The following FAT3 variants were observed in gnomAD, a reference collection of about 807,000 sequenced individuals.
The protein encoded by FAT3 is FAT atypical cadherin 3.
A neutral mutation model predicts 310.2 loss-of-function variants in FAT3; 95 were observed. That is an observed-to-expected ratio of 0.31 (90% CI 0.26 to 0.36). The LOEUF (loss-of-function observed/expected upper bound fraction) is 0.36. Ranked by LOEUF, FAT3 falls within the 10% of genes least tolerant of loss-of-function variation. The probability of loss-of-function intolerance (pLI) is 1.00; values close to 1 mark genes in which losing one functional copy is unlikely to be tolerated. For synonymous variants in FAT3, 2,314 were observed against 2,192.9 expected (o/e 1.06, Z -1.54); for missense variants, 5,408 against 5,715.6 (o/e 0.95, Z 1.74).
At chr11:92,671,269 T>C (rs1943121522) in intron 3 of FAT3, among the ~76,000 whole-genome samples, 1 of 152,082 alleles carries the variant, frequency 6.6e-6, no homozygotes, top group Admixed American at 6.6e-5. Flanking sequence ...GGTCTGGAAC[T>C]CCTGGCCTCA....
intron 1 of FAT3, among the ~76,000 whole-genome samples, chr11:92,265,373 T>C (rs914432875): frequency 1.3e-5 from 2 of 152,006 alleles, no homozygotes; most frequent in African/African-American, 4.8e-5. Context: ...GTTCCAAGCA[T>C]GGTGTTGGGA....
At chr11:92,771,610 G>A (rs1258034929) in intron 6 of FAT3, among the ~76,000 whole-genome samples, 1 of 152,118 alleles carries the variant, frequency 6.6e-6, no homozygotes, top group Non-Finnish European at 1.5e-5. Flanking sequence ...GACATAGTTT[G>A]TAGGCTCTCC....
At chr11:92,312,141 C>G (rs945245737) in intron 1 of FAT3, among the ~76,000 whole-genome samples, 1 of 152,214 alleles carries the variant, frequency 6.6e-6, no homozygotes, top group East Asian at 1.9e-4. Context: ...ATCAGTGACT[C>G]TCAACCTGGG....
At chr11:92,450,992 A>G (rs889165031) in intron 2 of FAT3, among the ~76,000 whole-genome samples, 1 of 152,194 alleles carries the variant, frequency 6.6e-6, no homozygotes, top group African/African-American at 2.4e-5. Flanking sequence ...TAATTTTCCC[A>G]GAGACTATAG....
At chr11:92,435,828 A>G (rs1014004783) in intron 2 of FAT3, among the ~76,000 whole-genome samples, 6 of 151,938 alleles carry the variant, frequency 3.9e-5, no homozygotes, top group African/African-American at 1.2e-4. Flanking sequence ...CGGCCTCCCA[A>G]AGTGCTGGGA....
intron 3 of FAT3, among the ~76,000 whole-genome samples, chr11:92,572,572 G>C (rs1938237914): frequency 6.6e-6 from 1 of 152,186 alleles, no homozygotes; most frequent in Non-Finnish European, 1.5e-5. Flanking sequence ...AAGATCGCAT[G>C]TAGCAATGCA....
At chr11:92,682,806 G>C (rs576443363) in intron 3 of FAT3, among the ~76,000 whole-genome samples, 2 of 152,096 alleles carry the variant, frequency 1.3e-5, no homozygotes, top group Non-Finnish European at 2.9e-5. Flanking sequence ...GGCCAGGTGC[G>C]GTGGCTCAGT....
intron 3 of FAT3, among the ~76,000 whole-genome samples, chr11:92,688,312 A>C (rs1433804855): frequency 6.6e-6 from 1 of 152,200 alleles, no homozygotes; most frequent in East Asian, 1.9e-4. Context: ...AGATGATGAC[A>C]TACGGGAGGC....
At chr11:92,266,097 A>C (rs992802412) in intron 1 of FAT3, among the ~76,000 whole-genome samples, 10 of 152,144 alleles carry the variant, frequency 6.6e-5, no homozygotes, top group Admixed American at 5.2e-4. Context: ...ACAATTTGTA[A>C]TATTTTCCTC....
chr11:92,270,716 T>C (rs1434026034), intron 1 of FAT3, among the ~76,000 whole-genome samples: 1 of 151,922 alleles, frequency 6.6e-6, no homozygotes, highest in Non-Finnish European at 1.5e-5. Flanking sequence ...AAATATTATA[T>C]ATTGGCTATT....
At position 92,894,037 on chromosome 11, in the gene FAT3, C is replaced by T. The variant is rs1357254704; in HGVS notation, c.*2924C>T. On this transcript the variant is annotated 3_prime_UTR_variant, in exon 28 of 28. Coordinates refer to ENST00000525166, the MANE Select transcript of FAT3 (RefSeq NM_001367949.2). ...TATTCTTTTTACATCATATTGTTCA[C>T]CCCTACACTGCCTTGAGCATGGGAG... 2 of 152,210 alleles carry T rather than the reference C, an allele frequency of 1.3e-5. No homozygotes were observed. The highest frequency in any genetic ancestry group is 4.8e-5 in the African/African-American group (2 of 41,442). The allele number at this position is 152,210 out of a possible 1,614,324, so 9.4% of individuals were successfully genotyped here.
intron 1 of FAT3, among the ~76,000 whole-genome samples, chr11:92,312,633 G>A (rs72970513): frequency 2.0e-5 from 3 of 152,294 alleles, no homozygotes; most frequent in African/African-American, 7.2e-5. Context: ...AGAGAACCCA[G>A]CAAATTGAAA....
chr11:92,840,728 C>G lies in FAT3; in HGVS notation c.10535C>G (p.Thr3512Arg). ...CGGTCGGCTGTGGTCTTCCAGCACA[C>G]AGAGTCTCTGGAATACGTGTTGTGT... ...ILRSAVVFQHTESLEYVLCVQ... is the reference protein window; with the variant it reads ...ILRSAVVFQHRESLEYVLCVQ... The change falls in exon 18 of 28, where the codon ACA (threonine) becomes AGA (arginine). Residue 3512 changes from threonine (T) to arginine (R), a missense_variant. By Grantham distance (71) the Thr-to-Arg change is moderately conservative (BLOSUM62 -1). Around this residue, in one of 5 missense-constraint regions of FAT3, gnomAD observed 4,588 missense variants for 4,809.8 expected, o/e 0.95. Transcript: ENST00000525166. The G allele has an allele frequency of 6.2e-7, 1 of 1,603,118 alleles. No individual in the cohort carries two copies. Among genetic ancestry groups the G allele is most frequent in the Non-Finnish European group, 8.5e-7 (1 of 1,170,940 alleles).
chr11:92,473,869 G>T (rs961462979), intron 2 of FAT3, among the ~76,000 whole-genome samples: 1 of 152,130 alleles, frequency 6.6e-6, no homozygotes, highest in African/African-American at 2.4e-5. Flanking sequence ...GGCACTTCAT[G>T]GGCCTTATGT....
At chr11:92,681,240 A>G (rs1242476413) in intron 3 of FAT3, among the ~76,000 whole-genome samples, 1 of 152,212 alleles carries the variant, frequency 6.6e-6, no homozygotes. Flanking sequence ...CCACAGGATG[A>G]CTTCAGACAG....
chr11:92,421,637 T>C (rs1360706199), intron 2 of FAT3, among the ~76,000 whole-genome samples: 1 of 152,244 alleles, frequency 6.6e-6, no homozygotes, highest in African/African-American at 2.4e-5. Context: ...TGAAATATTG[T>C]CTTTTGCTTA....
At chr11:92,749,634 C>T (rs983357960) in intron 4 of FAT3, among the ~76,000 whole-genome samples, 5 of 152,106 alleles carry the variant, frequency 3.3e-5, no homozygotes, top group African/African-American at 4.8e-5. Flanking sequence ...GAGACTATGA[C>T]GGAGGTAGGA....
At chr11:92,672,847 T>C (rs1382683867) in intron 3 of FAT3, among the ~76,000 whole-genome samples, 2 of 152,182 alleles carry the variant, frequency 1.3e-5, no homozygotes, top group East Asian at 1.9e-4. Context: ...GTTAATATTA[T>C]AGGAATCCAT....
chr11:92,243,107 G>T lies in FAT3; in HGVS notation c.-18+17933G>T, dbSNP rs1864733757. ...AGAAATGTAAAATTGGGTAATAGTT[G>T]TATTGAATTTGTAGATTATCCTAGT... is the stretch of plus-strand genomic sequence containing the variant. On this transcript the variant is annotated intron_variant, in intron 1 of 27. Coordinates refer to ENST00000525166, the MANE Select transcript of FAT3 (RefSeq NM_001367949.2). 2.0e-5 allele frequency among the ~76,000 whole-genome samples: 3 copies of T among 151,910 alleles called. No individual in the cohort carries two copies. The South Asian group carries it at 6.2e-4, about 31-fold the overall frequency.
Sources: gnomAD v4.1 joint callset for allele counts (sites outside exome capture counted in the v4.1 genomes callset) on GRCh38, gnomAD v4.1.1 for gene constraint, gnomAD v4.1.1 regional missense constraint, MANE v1.5 for transcripts, NCBI Gene and HGNC (gene_info 2026-07-23, HGNC 2026-07-21) for gene names.